The following JMJD1C variants were observed in gnomAD, a reference collection of about 807,000 sequenced individuals.
The protein encoded by JMJD1C is jumonji domain-containing protein 1C.
JMJD1C carries 31 observed loss-of-function variants against 245.3 expected under a neutral mutation model. The observed-to-expected ratio is 0.13, with a 90% confidence interval of 0.09 to 0.17. The LOEUF is 0.17. Among genes scored for constraint, JMJD1C ranks in the 10% least tolerant of loss-of-function variants. The probability of loss-of-function intolerance (pLI) is 1.00; values close to 1 mark genes in which losing one functional copy is unlikely to be tolerated. For missense variants in JMJD1C, 2,691 were observed against 3,000.2 expected, an observed-to-expected ratio of 0.90 and a Z score of 2.41; for synonymous variants, 1,057 against 1,017.4, an observed-to-expected ratio of 1.04 and a Z score of -0.74.
intron 1 of JMJD1C, among the ~76,000 whole-genome samples, chr10:63,479,797 CATA>C (rs1953773235): frequency 6.6e-6 from 1 of 152,116 alleles, no homozygotes; most frequent in Non-Finnish European, 1.5e-5. Flanking sequence ...TTAGGACACA[CATA>C]ATGTCTTGTT....
intron 1 of JMJD1C, among the ~76,000 whole-genome samples, chr10:63,439,463 AATTT>A (rs1462450484): frequency 6.6e-6 from 1 of 152,166 alleles, no homozygotes; most frequent in Non-Finnish European, 1.5e-5. Flanking sequence ...ATCTCTTAAA[AATTT>A]ATTTATTTCA....
In JMJD1C at chr10:63,213,734, G is replaced by A; in HGVS notation, c.2433C>T (p.Gly811=). Residue 811 remains glycine, a synonymous_variant, in exon 8 of 26, where the codon GGC becomes GGT. Transcript: ENST00000399262. ...CATGAGCACTCTCTAGTCGTGGGTG[G>A]CCACCAAGTAAGGAGGCAGTAGGCA... The part of the protein sequence containing the change: ...PGVPTASLLG[G]HPRLESAHAS... 2 of 1,614,188 alleles carry A rather than the reference G, an allele frequency of 1.2e-6. No individual in the cohort carries two copies. The highest frequency in any genetic ancestry group is 1.7e-6 in the Non-Finnish European group (2 of 1,180,022).
intron 3 of JMJD1C, chr10:63,222,791 C>T (rs746080095): frequency 5.5e-6 from 8 of 1,461,528 alleles, no homozygotes; most frequent in Non-Finnish European, 7.7e-6. Flanking sequence ...GAAGTCAATT[C>T]CTAGTGAAAA....
chr10:63,510,055 T>G (rs957085976), intron 1 of JMJD1C, among the ~76,000 whole-genome samples: 3 of 151,578 alleles, frequency 2.0e-5, no homozygotes, highest in Non-Finnish European at 4.4e-5. Flanking sequence ...CAGGCTAGAG[T>G]GCAGTGGCGT....
In JMJD1C at chr10:63,324,037, G is replaced by GC. The variant is rs1212618709; in HGVS notation, c.333+56280dup. Among the ~76,000 whole-genome samples, 429 of 92,686 alleles carry GC rather than the reference G, an allele frequency of 4.6e-3. 3 individuals carry two copies. In the East Asian group the frequency reaches 0.05, roughly 11 times the overall value. The allele number at this position is 92,686 out of a possible 152,430, so 60.8% of individuals were successfully genotyped here. ...GAAAGAGCCAATTCATCCTTCGTCT[G>GC]CCTTTTTTTTTTTTTTTTTCTATGT... On this transcript the variant is annotated intron_variant, in intron 2 of 25. Coordinates refer to ENST00000399262, the MANE Select transcript of JMJD1C (RefSeq NM_032776.3).
intron 2 of JMJD1C, among the ~76,000 whole-genome samples, chr10:63,344,558 A>G (rs2134246642): frequency 6.6e-6 from 1 of 152,348 alleles, no homozygotes; most frequent in Middle Eastern, 3.4e-3. Context: ...GTATGACACC[A>G]AAATCTGACC....
At chr10:63,223,466 G>A (rs987086267) in intron 3 of JMJD1C, among the ~76,000 whole-genome samples, 3 of 151,754 alleles carry the variant, frequency 2.0e-5, no homozygotes, top group Admixed American at 6.6e-5. Flanking sequence ...GGACTCAAGC[G>A]ATCTGCCCAC....
intron 1 of JMJD1C, among the ~76,000 whole-genome samples, chr10:63,392,815 C>T (rs1157453799): frequency 1.8e-5 from 2 of 112,038 alleles, no homozygotes; most frequent in South Asian, 6.6e-4. Flanking sequence ...CAGAGCGAGA[C>T]TTCGTCTCCA....
At chr10:63,309,993 C>T (rs1198792596) in intron 2 of JMJD1C, among the ~76,000 whole-genome samples, 8 of 152,252 alleles carry the variant, frequency 5.3e-5, no homozygotes, top group Middle Eastern at 3.4e-3. Context: ...CAAAAGATCA[C>T]GTCACAATAA....
chr10:63,327,781 G>GCCTCAGC (rs1174934900), intron 2 of JMJD1C, among the ~76,000 whole-genome samples: 1 of 151,900 alleles, frequency 6.6e-6, no homozygotes, highest in African/African-American at 2.4e-5. Flanking sequence ...CGATTCTCCT[G>GCCTCAGC]CCTCAGCCTC....
chr10:63,456,498 C>A (rs945650819), intron 1 of JMJD1C, among the ~76,000 whole-genome samples: 1 of 152,098 alleles, frequency 6.6e-6, no homozygotes, highest in African/African-American at 2.4e-5. Context: ...CATTAACATA[C>A]TGCTTCCTTC....
intron 2 of JMJD1C, among the ~76,000 whole-genome samples, chr10:63,353,985 C>G (rs1944588732): frequency 1.3e-5 from 2 of 152,082 alleles, no homozygotes; most frequent in Admixed American, 1.3e-4. Context: ...GAACTACAGG[C>G]ACACACCACC....
At chr10:63,289,230 C>G (rs1325231363) in intron 2 of JMJD1C, among the ~76,000 whole-genome samples, 1 of 152,090 alleles carries the variant, frequency 6.6e-6, no homozygotes, top group Non-Finnish European at 1.5e-5. Flanking sequence ...AAATTTAAAT[C>G]ATTGTACTTC....
chr10:63,327,495 T>C (rs1941654554), intron 2 of JMJD1C, among the ~76,000 whole-genome samples: 1 of 152,138 alleles, frequency 6.6e-6, no homozygotes, highest in African/African-American at 2.4e-5. Context: ...GGGCTAGATA[T>C]ACACCTTCCA....
chr10:63,460,365 TAAA>T (rs1952702950), intron 1 of JMJD1C, among the ~76,000 whole-genome samples: 2 of 151,950 alleles, frequency 1.3e-5, no homozygotes, highest in Admixed American at 1.3e-4. Flanking sequence ...AAAAAAAATT[TAAA>T]AATTAGTTGG....
At chr10:63,378,157 T>C (rs1946918013) in intron 2 of JMJD1C, among the ~76,000 whole-genome samples, 1 of 151,978 alleles carries the variant, frequency 6.6e-6, no homozygotes, top group Non-Finnish European at 1.5e-5. Context: ...ATTTCAAGGC[T>C]AAGAGGTTTT....
In JMJD1C at chr10:63,411,391, C is replaced by G. The variant is rs187407115; in HGVS notation, c.169-30909G>C. Among the ~76,000 whole-genome samples, 747 of 151,148 alleles carry G rather than the reference C, an allele frequency of 4.9e-3. 6 individuals are homozygous for G. Among genetic ancestry groups the G allele is most frequent in the African/African-American group, 0.017 (717 of 41,082 alleles). The stretch of plus-strand genomic sequence containing the variant: ...TTGGCTCACTGCAACCTCCGCCTCC[C>G]GGGGTCAAGCGATTCTCCTGCCTCA... On this transcript the variant is annotated intron_variant, in intron 1 of 25. Coordinates refer to ENST00000399262, the MANE Select transcript of JMJD1C (RefSeq NM_032776.3).
At chr10:63,428,034 C>A in intron 1 of JMJD1C, 1 of 602,360 alleles carries the variant, frequency 1.7e-6, no homozygotes, top group South Asian at 1.9e-5. Context: ...CATTAAAAAT[C>A]AATTTCCAGC....
chr10:63,343,059 A>G (rs1057234652), intron 2 of JMJD1C, among the ~76,000 whole-genome samples: 1 of 152,178 alleles, frequency 6.6e-6, no homozygotes, highest in African/African-American at 2.4e-5. Flanking sequence ...CTCAACCTGC[A>G]TTAAAAAAAT....
Sources: gnomAD v4.1 joint callset for allele counts (sites outside exome capture counted in the v4.1 genomes callset) on GRCh38, gnomAD v4.1.1 for gene constraint, MANE v1.5 for transcripts, NCBI Gene and HGNC (gene_info 2026-07-23, HGNC 2026-07-21) for gene names.